Variants in LRRFIP1 observed in about 807,000 individuals in gnomAD.
LRRFIP1 encodes the protein LRR binding FLII interacting protein 1.
A neutral mutation model predicts 104.4 loss-of-function variants in LRRFIP1; 62 were observed. That is an observed-to-expected ratio of 0.59 (90% confidence interval 0.48 to 0.73). LRRFIP1 has a LOEUF of 0.73. Among genes scored for constraint, LRRFIP1 ranks in the 30% least tolerant of loss-of-function variants. LRRFIP1 has a pLI of 0.00. For synonymous variants in LRRFIP1, 300 were observed against 299.0 expected (o/e 1.00, Z -0.03); for missense variants, 796 against 824.5 (o/e 0.97, Z 0.42).
At chr2:237,685,019 A>G (rs1225716840) in intron 1 of LRRFIP1, among the ~76,000 whole-genome samples, 1 of 152,014 alleles carries the variant, frequency 6.6e-6, no homozygotes, top group Non-Finnish European at 1.5e-5. Context: ...ACAAGGTTGC[A>G]GTGAGCCAAG....
intron 1 of LRRFIP1, among the ~76,000 whole-genome samples, chr2:237,657,836 C>T (rs962329533): frequency 3.9e-5 from 6 of 152,148 alleles, no homozygotes; most frequent in African/African-American, 1.4e-4. Flanking sequence ...TCCATGGAAT[C>T]ACTGAGATCC....
Position 237,757,534 on chromosome 2 carries a change from G to A in LRRFIP1, c.1210G>A (p.Asp404Asn), listed in dbSNP as rs865960371. 1.3e-6 allele frequency: 2 copies of A among 1,580,698 alleles called. No individual in the cohort carries two copies. Among genetic ancestry groups the A allele is most frequent in the South Asian group, 2.3e-5 (2 of 85,850 alleles). Reference protein sequence around the residue: ...SDLQETIEWKDKKIGALERQK... With the variant: ...SDLQETIEWKNKKIGALERQK... ...TCTTCAGGAAACAATAGAGTGGAAA[G>A]ACAAAAAGATAGGGGTAGGATTCCC... Residue 404 changes from aspartate (D) to asparagine (N), a missense_variant, in exon 17 of 24, where the codon GAC becomes AAC. By Grantham distance (23) the Asp-to-Asn change is conservative. Coordinates refer to ENST00000308482, the MANE Select transcript of LRRFIP1 (RefSeq NM_001137550.2).
chr2:237,772,023 C>A, intron 20 of LRRFIP1, 58 bp from the exon 21 acceptor site: 1 of 1,263,650 alleles, frequency 7.9e-7, no homozygotes, highest in Non-Finnish European at 1.1e-6. Context: ...CTAACTTCAG[C>A]TTTTCGGTCT....
At chr2:237,724,017 C>G (rs1418203260) in intron 7 of LRRFIP1, among the ~76,000 whole-genome samples, 1 of 150,830 alleles carries the variant, frequency 6.6e-6, no homozygotes, top group Non-Finnish European at 1.5e-5. Flanking sequence ...ATTTTCCAGT[C>G]TATATCCATT....
rs540263484 is a variant in LRRFIP1, at chr2:237,766,806, T to C, written c.1460-3137T>C. Among the ~76,000 whole-genome samples the C allele has an allele frequency of 1.3e-5, 2 of 152,382 alleles. No homozygotes were observed. The highest frequency in any genetic ancestry group is 3.9e-4 in the East Asian group (2 of 5,180). ...GCCTTCATTCTGAGCATCAGTTATA[T>C]GCTCTCCAGTGTAATGACTTTATAG... On this transcript the variant is annotated intron_variant, in intron 19 of 23. Transcript: ENST00000308482. This position sits in a 1 kb window ranked among gnomAD's most constrained non-coding sequence, Gnocchi z 4.8.
At chr2:237,719,694 A>G (rs2094470223) in intron 5 of LRRFIP1, 127 bp downstream of exon 5, 2 of 592,300 alleles carry the variant, frequency 3.4e-6, no homozygotes, top group Non-Finnish European at 5.9e-6. Flanking sequence ...GAAATTAACT[A>G]ATACTATTAA....
At chr2:237,745,965 C>T (rs2150555785) in intron 11 of LRRFIP1, among the ~76,000 whole-genome samples, 1 of 152,120 alleles carries the variant, frequency 6.6e-6, no homozygotes, top group South Asian at 2.1e-4. Flanking sequence ...GCTTTGGGCC[C>T]AGGAGATTTA....
intron 1 of LRRFIP1, among the ~76,000 whole-genome samples, chr2:237,672,187 A>G (rs186296775): frequency 6.6e-6 from 1 of 152,222 alleles, no homozygotes; most frequent in African/African-American, 2.4e-5. Context: ...ATATTGCATC[A>G]TATACAATAT....
intron 19 of LRRFIP1, chr2:237,762,933 C>T: frequency 1.2e-6 from 2 of 1,614,208 alleles, no homozygotes; most frequent in East Asian, 2.2e-5. Flanking sequence ...CCCCTTGAGC[C>T]ATCCAACTGT....
intron 15 of LRRFIP1, among the ~76,000 whole-genome samples, chr2:237,753,910 A>G (rs182612214): frequency 4.7e-4 from 71 of 151,320 alleles, no homozygotes; most frequent in African/African-American, 1.6e-3. Flanking sequence ...TACATTATGT[A>G]TTTTTATATT....
At chr2:237,660,551 C>T (rs942099646) in intron 1 of LRRFIP1, among the ~76,000 whole-genome samples, 1 of 152,210 alleles carries the variant, frequency 6.6e-6, no homozygotes, top group Non-Finnish European at 1.5e-5. Flanking sequence ...TCAAAAGGCA[C>T]ATGCTGTTTA....
intron 1 of LRRFIP1, among the ~76,000 whole-genome samples, chr2:237,687,162 CA>C (rs1386715650): frequency 1.3e-5 from 2 of 152,232 alleles, no homozygotes; most frequent in African/African-American, 4.8e-5. Flanking sequence ...TTCGCTCTTC[CA>C]ATGTGCATCT....
intron 1 of LRRFIP1, chr2:237,692,192 C>A: frequency 9.5e-7 from 1 of 1,049,252 alleles, no homozygotes; most frequent in Non-Finnish European, 1.1e-6. Context: ...CGCCCGAGTC[C>A]CGCTTCCCCG....
At chr2:237,710,613 C>G (rs1313089005) in intron 2 of LRRFIP1, among the ~76,000 whole-genome samples, 1 of 152,104 alleles carries the variant, frequency 6.6e-6, no homozygotes, top group East Asian at 1.9e-4. Flanking sequence ...TAAATATATA[C>G]ATATTGATAT....
intron 7 of LRRFIP1, among the ~76,000 whole-genome samples, chr2:237,724,953 G>A (rs1019126367): frequency 6.6e-6 from 1 of 152,088 alleles, no homozygotes; most frequent in Non-Finnish European, 1.5e-5. Context: ...ATGTAGAAAA[G>A]ACATCTAACA....
At chr2:237,738,174 G>A (rs2095310128) in intron 10 of LRRFIP1, among the ~76,000 whole-genome samples, 1 of 152,040 alleles carries the variant, frequency 6.6e-6, no homozygotes, top group South Asian at 2.1e-4. Flanking sequence ...CACCCCTGAA[G>A]ATCTGGATGA....
chr2:237,726,595 G>A (rs926389836), intron 7 of LRRFIP1, among the ~76,000 whole-genome samples: 8 of 152,068 alleles, frequency 5.3e-5, no homozygotes, highest in Admixed American at 3.3e-4. Flanking sequence ...ACATTTTCAC[G>A]GCTGAGAAAA....
rs142104968 is a variant in LRRFIP1 at position 237,658,883 on chromosome 2, C to T, written c.96+31143C>T. On this transcript the variant is annotated intron_variant, in intron 1 of 23. Coordinates refer to ENST00000308482, the MANE Select transcript of LRRFIP1 (RefSeq NM_001137550.2). ...TGAGATTTGGGTGGGGACACAAAGC[C>T]TAACCATATCAGTGTGGTTAGCCTG... is the stretch of plus-strand genomic sequence containing the variant. Among the ~76,000 whole-genome samples, 238 of 152,194 alleles carry T rather than the reference C, an allele frequency of 1.6e-3. 1 individual carries two copies. Among genetic ancestry groups the T allele is most frequent in the African/African-American group, 4.0e-3 (166 of 41,522 alleles).
chr2:237,774,316 G>C, intron 22 of LRRFIP1, 42 bp from the exon 23 acceptor site: 7 of 1,182,126 alleles, frequency 5.9e-6, no homozygotes, highest in Non-Finnish European at 8.7e-6. Flanking sequence ...AAAGAAAACA[G>C]GCTTATCAAT....
Sources: gnomAD v4.1 joint callset for allele counts (sites outside exome capture counted in the v4.1 genomes callset) on GRCh38, gnomAD v4.1.1 for gene constraint, Gnocchi (gnomAD v3.1) non-coding constraint, MANE v1.5 for transcripts, NCBI Gene and HGNC (gene_info 2026-07-23, HGNC 2026-07-21) for gene names.